Variants in MALRD1 observed in about 807,000 individuals in gnomAD.
MALRD1 encodes the protein MAM and LDL-receptor class A domain-containing protein 1.
Under a neutral mutation model 242.1 loss-of-function variants are expected in MALRD1, and 247 were observed. That is an observed-to-expected ratio of 1.02 (90% CI 0.92 to 1.13). The LOEUF is 1.13. MALRD1 is among the 50% of genes most tolerant of loss of function. MALRD1 has a pLI of 0.00. For missense variants in MALRD1, 2,989 were observed against 2,533.1 expected (o/e 1.18, Z -3.86); for synonymous variants, 995 against 866.6 (o/e 1.15, Z -2.60).
rs1441147934 is a variant in MALRD1, at chr10:19,238,221, C to T, written c.2992-19463C>T. On this transcript the variant is annotated intron_variant, in intron 18 of 39. Coordinates refer to ENST00000454679, the MANE Select transcript of MALRD1 (RefSeq NM_001142308.3). ...ATATATATTATATATATGTAATATA[C>T]ATAATATATATTATATATAATATGT... 8.3e-4 allele frequency among the ~76,000 whole-genome samples: 39 copies of T among 47,218 alleles called. 4 individuals carry two copies. Among genetic ancestry groups the T allele is most frequent in the African/African-American group, 2.3e-3 (26 of 11,524 alleles). 31.0% of individuals were successfully genotyped at this position (47,218 alleles called of 152,430 possible). A position where few individuals can be genotyped will look rare whatever the true frequency, so the allele number is the denominator to read the frequency against.
chr10:19,276,960 C>T (rs143248399), intron 19 of MALRD1, among the ~76,000 whole-genome samples: 4 of 152,074 alleles, frequency 2.6e-5, no homozygotes, highest in East Asian at 1.9e-4. Context: ...TACTCTGTCA[C>T]CCAGACCAGA....
intron 28 of MALRD1, among the ~76,000 whole-genome samples, chr10:19,411,434 A>G (rs986530461): frequency 5.3e-5 from 8 of 152,202 alleles, no homozygotes; most frequent in Admixed American, 2.6e-4. Flanking sequence ...GGAACAATTA[A>G]TGGTACCTAA....
intron 29 of MALRD1, among the ~76,000 whole-genome samples, chr10:19,483,044 T>C (rs1837079612): frequency 6.6e-6 from 1 of 152,058 alleles, no homozygotes; most frequent in South Asian, 2.1e-4. Flanking sequence ...CTTCAAACTG[T>C]ATTATAAGGC....
chr10:19,271,394 A>T (rs182628329), intron 19 of MALRD1, among the ~76,000 whole-genome samples: 1 of 152,332 alleles, frequency 6.6e-6, no homozygotes, highest in Non-Finnish European at 1.5e-5. Context: ...ATTCATCTAA[A>T]GTTAAAAACC....
intron 4 of MALRD1, among the ~76,000 whole-genome samples, chr10:19,094,913 G>T (rs1004993736): frequency 2.0e-5 from 3 of 152,142 alleles, no homozygotes; most frequent in Non-Finnish European, 4.4e-5. Context: ...AGTTCTTGAA[G>T]AATTATTGCC....
chr10:19,076,533 A>G (rs1161669308), intron 2 of MALRD1, among the ~76,000 whole-genome samples: 1 of 151,960 alleles, frequency 6.6e-6, no homozygotes, highest in Non-Finnish European at 1.5e-5. Context: ...TCTGAGCACC[A>G]TATATTGAAA....
intron 4 of MALRD1, among the ~76,000 whole-genome samples, chr10:19,095,357 C>G (rs1324874194): frequency 6.6e-6 from 1 of 152,146 alleles, no homozygotes; most frequent in Admixed American, 6.5e-5. Flanking sequence ...AATCCCTTAA[C>G]AGATGGTTAA....
intron 18 of MALRD1, among the ~76,000 whole-genome samples, chr10:19,238,307 A>T (rs1384454187): frequency 6.0e-5 from 5 of 83,690 alleles, no homozygotes; most frequent in African/African-American, 2.5e-4. Context: ...TATATATAAT[A>T]TGTAATATAC....
At chr10:19,054,249 T>C (rs532763476) in intron 1 of MALRD1, among the ~76,000 whole-genome samples, 1 of 152,170 alleles carries the variant, frequency 6.6e-6, no homozygotes, top group Non-Finnish European at 1.5e-5. Context: ...TTTTTATCAA[T>C]ATTACTTTTA....
intron 36 of MALRD1, among the ~76,000 whole-genome samples, chr10:19,677,197 G>C (rs559767162): frequency 6.6e-6 from 1 of 152,202 alleles, no homozygotes; most frequent in South Asian, 2.1e-4. Context: ...GGGATTGCTG[G>C]GTAAAATGGT....
chr10:19,208,933 A>C (rs1477203989), intron 17 of MALRD1, among the ~76,000 whole-genome samples: 1 of 152,268 alleles, frequency 6.6e-6, no homozygotes, highest in East Asian at 1.9e-4. Flanking sequence ...CTGAGCCAGA[A>C]GTTTCTCACA....
At chr10:19,229,461 C>G (rs1226821800) in intron 18 of MALRD1, among the ~76,000 whole-genome samples, 2 of 152,252 alleles carry the variant, frequency 1.3e-5, no homozygotes, top group East Asian at 1.9e-4. Flanking sequence ...GGCTCTGCAG[C>G]CTCTCTGGGT....
At chr10:19,307,732 G>T (rs1041828658) in intron 21 of MALRD1, among the ~76,000 whole-genome samples, 1 of 151,428 alleles carries the variant, frequency 6.6e-6, no homozygotes, top group Non-Finnish European at 1.5e-5. Context: ...ATTGGGTTTG[G>T]AATGAAAAAA....
chr10:19,180,275 A>T (rs1039545563), intron 14 of MALRD1, among the ~76,000 whole-genome samples: 1 of 152,230 alleles, frequency 6.6e-6, no homozygotes, highest in Non-Finnish European at 1.5e-5. Context: ...CTGAGTGCTA[A>T]TACATTGGCA....
intron 28 of MALRD1, among the ~76,000 whole-genome samples, chr10:19,391,170 A>C (rs1190566839): frequency 6.6e-6 from 1 of 152,122 alleles, no homozygotes; most frequent in Non-Finnish European, 1.5e-5. Flanking sequence ...TGGTTCCTCT[A>C]ATTGATTCTT....
intron 22 of MALRD1, among the ~76,000 whole-genome samples, chr10:19,325,090 A>G (rs1278071313): frequency 7.2e-6 from 1 of 139,406 alleles, no homozygotes; most frequent in Non-Finnish European, 1.5e-5. Flanking sequence ...TATTCTGTCC[A>G]CATTTGTAGG....
At chr10:19,207,992 A>G (rs1281197190) in intron 17 of MALRD1, among the ~76,000 whole-genome samples, 3 of 152,250 alleles carry the variant, frequency 2.0e-5, no homozygotes, top group Middle Eastern at 3.4e-3. Context: ...GATAGCTACT[A>G]TTTGTGATGG....
chr10:19,416,121 G>C (rs1046728991), intron 28 of MALRD1, among the ~76,000 whole-genome samples: 1 of 152,162 alleles, frequency 6.6e-6, no homozygotes. Context: ...TGTAGTTTGT[G>C]TTAGGTTTTT....
At chr10:19,275,622 T>A (rs12243353) in intron 19 of MALRD1, among the ~76,000 whole-genome samples, 4 of 152,040 alleles carry the variant, frequency 2.6e-5, no homozygotes, top group Middle Eastern at 6.8e-3. Flanking sequence ...TGAGTGGAGA[T>A]CGCGACACTG....
Sources: gnomAD v4.1 joint callset for allele counts (sites outside exome capture counted in the v4.1 genomes callset) on GRCh38, gnomAD v4.1.1 for gene constraint, MANE v1.5 for transcripts, NCBI Gene and HGNC (gene_info 2026-07-23, HGNC 2026-07-21) for gene names.